The following C12orf42 variants were observed in gnomAD, a reference collection of about 807,000 sequenced individuals.
C12orf42 encodes uncharacterized protein C12orf42.
A neutral mutation model predicts 21.6 loss-of-function variants in C12orf42; 25 were observed. The observed-to-expected ratio is 1.16, with a 90% CI of 0.84 to 1.62. The LOEUF is 1.62. Ranked by LOEUF, C12orf42 falls within the 40% of genes most tolerant of loss-of-function variation. The pLI, the probability that C12orf42 is intolerant of heterozygous loss-of-function variation, is 0.00. For synonymous variants in C12orf42, 174 were observed against 175.0 expected (o/e 0.99, Z 0.05); for missense variants, 483 against 459.3 (o/e 1.05, Z -0.47).
the C12orf42 span, among the ~76,000 whole-genome samples, chr12:103,127,887 G>T: frequency 1.3e-5 from 2 of 152,134 alleles, no homozygotes; most frequent in South Asian, 4.1e-4. Context: ...AAATGTTTTT[G>T]AAAATAGCAC....
At chr12:103,213,440 G>A in the C12orf42 span, among the ~76,000 whole-genome samples, 8 of 152,208 alleles carry the variant, frequency 5.3e-5, no homozygotes, top group Non-Finnish European at 4.4e-5. Context: ...CAGCTAGCTA[G>A]ACTCTAGAAG....
chr12:103,328,691 C>A (rs183853748), intron 4 of C12orf42, among the ~76,000 whole-genome samples: 236 of 152,230 alleles, frequency 1.6e-3, no homozygotes, highest in African/African-American at 5.3e-3. Context: ...CCAGTAAATA[C>A]CAGTGGGCCA....
At chr12:103,186,237 A>G in the C12orf42 span, among the ~76,000 whole-genome samples, 2 of 152,188 alleles carry the variant, frequency 1.3e-5, no homozygotes, top group African/African-American at 4.8e-5. Context: ...AGGACTATCT[A>G]TCAACTTGGG....
chr12:103,521,508 C>T, the C12orf42 span, among the ~76,000 whole-genome samples: 1 of 152,002 alleles, frequency 6.6e-6, no homozygotes, highest in African/African-American at 2.4e-5. Context: ...GGGAGGTGAA[C>T]AACACACACT....
At chr12:103,255,017 C>A (rs1192775353) in intron 10 of C12orf42, among the ~76,000 whole-genome samples, 1 of 152,094 alleles carries the variant, frequency 6.6e-6, no homozygotes, top group African/African-American at 2.4e-5. Flanking sequence ...TTTATATATT[C>A]ATTATATCAA....
At chr12:103,467,426 A>C (rs904570043) in intron 2 of C12orf42, among the ~76,000 whole-genome samples, 1 of 152,198 alleles carries the variant, frequency 6.6e-6, no homozygotes, top group Non-Finnish European at 1.5e-5. Flanking sequence ...TTTTTCACAC[A>C]GTGCACTTTG....
At chr12:103,200,782 T>C in the C12orf42 span, among the ~76,000 whole-genome samples, 3 of 152,226 alleles carry the variant, frequency 2.0e-5, no homozygotes, top group South Asian at 2.1e-4. Flanking sequence ...AAGTTTTAGG[T>C]TGGTGCAAAA....
At chr12:103,546,720 C>T in the C12orf42 span, among the ~76,000 whole-genome samples, 1 of 152,108 alleles carries the variant, frequency 6.6e-6, no homozygotes, top group Admixed American at 6.5e-5. Flanking sequence ...CATGCTGTCC[C>T]AAAATATGGC....
the C12orf42 span, among the ~76,000 whole-genome samples, chr12:103,048,741 C>T: frequency 1.3e-5 from 2 of 152,164 alleles, no homozygotes; most frequent in Admixed American, 6.5e-5. Flanking sequence ...CAGGATTCCA[C>T]ATGCTTCTGG....
the C12orf42 span, among the ~76,000 whole-genome samples, chr12:103,502,892 G>A: frequency 6.6e-6 from 1 of 152,190 alleles, no homozygotes; most frequent in Non-Finnish European, 1.5e-5. Context: ...CGAGTGTTTT[G>A]TTCCTCATGA....
chr12:103,394,229 G>T (rs965696666), intron 3 of C12orf42, among the ~76,000 whole-genome samples: 1 of 152,144 alleles, frequency 6.6e-6, no homozygotes, highest in Non-Finnish European at 1.5e-5. Flanking sequence ...TGAGTTCTGC[G>T]CCATGTCATG....
the C12orf42 span, among the ~76,000 whole-genome samples, chr12:103,123,346 TG>T: frequency 2.0e-5 from 3 of 152,168 alleles, no homozygotes; most frequent in African/African-American, 7.2e-5. Flanking sequence ...AGAAGCAGGC[TG>T]GGGAGCTTTA....
the C12orf42 span, among the ~76,000 whole-genome samples, chr12:103,511,095 A>G: frequency 1.3e-5 from 2 of 152,196 alleles, no homozygotes; most frequent in African/African-American, 4.8e-5. Context: ...AACCTCCAAG[A>G]AAAAATGGAG....
chr12:103,085,540 G>T, the C12orf42 span, among the ~76,000 whole-genome samples: 1 of 149,740 alleles, frequency 6.7e-6, no homozygotes, highest in South Asian at 2.1e-4. Flanking sequence ...CGAATGAAAA[G>T]ATTTTTTTTT....
chr12:103,508,079 T>C, the C12orf42 span, among the ~76,000 whole-genome samples: 1 of 152,192 alleles, frequency 6.6e-6, no homozygotes, highest in Non-Finnish European at 1.5e-5. Context: ...TCCAATATCT[T>C]ATTTTCAGGA....
the C12orf42 span, among the ~76,000 whole-genome samples, chr12:103,192,791 A>G: frequency 2.6e-5 from 4 of 152,348 alleles, no homozygotes; most frequent in African/African-American, 4.8e-5. Context: ...CAATACAATA[A>G]TAGCAAAAGA....
intron 3 of C12orf42, among the ~76,000 whole-genome samples, chr12:103,379,790 C>G (rs1252485439): frequency 6.6e-6 from 1 of 152,158 alleles, no homozygotes; most frequent in African/African-American, 2.4e-5. Context: ...CCCTTCAAAC[C>G]ACTGACCATG....
chr12:103,312,133 T>C (rs912565769), intron 4 of C12orf42, among the ~76,000 whole-genome samples: 4 of 152,210 alleles, frequency 2.6e-5, no homozygotes, highest in Admixed American at 6.5e-5. Context: ...GGCTTACTTA[T>C]GTTACTGAGG....
the C12orf42 span, among the ~76,000 whole-genome samples, chr12:103,057,149 G>A: frequency 2.0e-5 from 3 of 149,748 alleles, no homozygotes; most frequent in South Asian, 6.4e-4. Context: ...TTCTGACACT[G>A]TGCTGACAAG....
Sources: allele counts gnomAD v4.1 joint callset (sites outside exome capture counted in the v4.1 genomes callset), GRCh38; gene constraint gnomAD v4.1.1; transcripts MANE v1.5; gene names NCBI Gene and HGNC (gene_info 2026-07-23, HGNC 2026-07-21).